Variants in AFAP1L2 observed in about 807,000 individuals in gnomAD.
The protein encoded by AFAP1L2 is actin filament associated protein 1 like 2.
AFAP1L2 carries 46 observed loss-of-function variants against 99.3 expected under a neutral mutation model. The ratio of observed to expected loss-of-function variants is 0.46; its 90% CI spans 0.37 to 0.59. The LOEUF (loss-of-function observed/expected upper bound fraction) is 0.59, where lower values mean the gene tolerates loss of function less well. AFAP1L2 is among the 20% of genes least tolerant of loss of function. AFAP1L2 has a pLI of 0.00. For missense variants in AFAP1L2, 959 were observed against 1,034.9 expected (o/e 0.93, Z 1.01); for synonymous variants, 397 against 419.1 (o/e 0.95, Z 0.64).
In AFAP1L2 at chr10:114,310,368, A is replaced by G; in HGVS notation, c.868T>C (p.Phe290Leu). 1 of 1,613,690 alleles carries G rather than the reference A, an allele frequency of 6.2e-7. No individual in the cohort carries two copies. ...GNQYTPDAQR[F>L]NCQKPDIAEK... ...CAGAGGCTTACTTTCTGGCAGTTAA[A>G]GCGCTGGGCATCCGGGGTGTACTGG... The change falls in exon 8 of 19, where the codon TTT becomes CTT. Residue 290 changes from phenylalanine to leucine, a missense_variant. Phe to Leu is a conservative substitution (Grantham distance 22). Coordinates refer to ENST00000304129, the MANE Select transcript of AFAP1L2 (RefSeq NM_001001936.3).
At chr10:114,373,656 C>CAACAA (rs932336383) in intron 1 of AFAP1L2, among the ~76,000 whole-genome samples, 4 of 151,972 alleles carry the variant, frequency 2.6e-5, no homozygotes, top group African/African-American at 9.7e-5. Flanking sequence ...AAAAAAACAA[C>CAACAA]AACAAAACAA....
At chr10:114,383,079 A>T (rs2055929076) in intron 1 of AFAP1L2, among the ~76,000 whole-genome samples, 1 of 152,222 alleles carries the variant, frequency 6.6e-6, no homozygotes, top group Non-Finnish European at 1.5e-5. Flanking sequence ...GCCATGAAAG[A>T]GGAAAAAAAA....
At chr10:114,384,478 C>T (rs1473032679) in intron 1 of AFAP1L2, among the ~76,000 whole-genome samples, 1 of 152,206 alleles carries the variant, frequency 6.6e-6, no homozygotes, top group African/African-American at 2.4e-5. Context: ...GAACACTTGC[C>T]AGCAAATGAG....
chr10:114,385,347 C>T (rs2056360254), intron 1 of AFAP1L2, among the ~76,000 whole-genome samples: 1 of 152,180 alleles, frequency 6.6e-6, no homozygotes, highest in African/African-American at 2.4e-5. Context: ...CTTCCCCATC[C>T]TAAAGGAATG....
intron 1 of AFAP1L2, among the ~76,000 whole-genome samples, chr10:114,379,068 C>A (rs866668251): frequency 6.6e-6 from 1 of 151,928 alleles, no homozygotes; most frequent in Admixed American, 6.6e-5. Context: ...AAAAAATTAG[C>A]CAGGTATGGT....
intron 5 of AFAP1L2, among the ~76,000 whole-genome samples, chr10:114,318,649 A>T (rs1330247743): frequency 6.6e-6 from 1 of 151,384 alleles, no homozygotes; most frequent in Non-Finnish European, 1.5e-5. Flanking sequence ...AGGCTGAGGC[A>T]GGAGAATCAT....
At chr10:114,300,771 A>T (rs1322410577) in intron 13 of AFAP1L2, 81 bp from the exon 14 acceptor site, 1 of 1,505,320 alleles carries the variant, frequency 6.6e-7, no homozygotes, top group Admixed American at 2.2e-5. Flanking sequence ...CCTGCCTCAC[A>T]GTTCTGGTGC....
chr10:114,343,679 G>A (rs544517387), intron 1 of AFAP1L2, among the ~76,000 whole-genome samples: 56 of 152,280 alleles, frequency 3.7e-4, no homozygotes, highest in African/African-American at 9.6e-4. Flanking sequence ...GAGAAGCATC[G>A]GCGGGATCAG....
chr10:114,329,875 C>A (rs2046982559), intron 4 of AFAP1L2, among the ~76,000 whole-genome samples: 1 of 152,186 alleles, frequency 6.6e-6, no homozygotes, highest in South Asian at 2.1e-4. Flanking sequence ...GGGACCGTGG[C>A]CAGTGGTTTT....
chr10:114,384,246 C>G lies in AFAP1L2; in HGVS notation c.16+20194G>C, dbSNP rs565290297. On this transcript the variant is annotated intron_variant, in intron 1 of 18. Coordinates refer to ENST00000304129, the MANE Select transcript of AFAP1L2 (RefSeq NM_001001936.3). ...TGGCAGCCACGAATCCCATCCTTGC[C>G]TCCGCCTCTGTCTTCAGCTGCACCC... is the stretch of plus-strand genomic sequence containing the variant. Among the ~76,000 whole-genome samples the G allele has an allele frequency of 2.4e-4, 36 of 152,284 alleles. No individual in the cohort carries two copies. In the South Asian group the frequency reaches 7.5e-3, roughly 32 times the overall value.
At chr10:114,293,408 C>G (rs745798743), downstream of AFAP1L2, among the ~76,000 whole-genome samples, 1 of 152,148 alleles carries the variant, frequency 6.6e-6, no homozygotes, top group Non-Finnish European at 1.5e-5. Context: ...ATTTAAACAG[C>G]AAACTGTGGG....
intron 1 of AFAP1L2, among the ~76,000 whole-genome samples, chr10:114,385,053 G>A (rs1334749524): frequency 1.3e-5 from 2 of 152,190 alleles, no homozygotes; most frequent in South Asian, 2.1e-4. Flanking sequence ...AGCAGCAGGG[G>A]CCAGAGGTGA....
chr10:114,295,453 A>G lies in AFAP1L2; in HGVS notation c.*589T>C. On this transcript the variant is annotated 3_prime_UTR_variant, in exon 19 of 19. Transcript: ENST00000304129. ...CTTGGTCCCAAATATTTTCCCCATT[A>G]TTGTTTCTCAAAACTCATGTCATAG... The G allele has an allele frequency of 1.0e-6, 1 of 985,594 alleles. No individual in the cohort carries two copies. The highest frequency in any genetic ancestry group is 1.2e-6 in the Non-Finnish European group (1 of 829,912). 61.1% of individuals were successfully genotyped at this position (985,594 alleles called of 1,614,324 possible).
intron 1 of AFAP1L2, chr10:114,362,953 G>A (rs2052653117): frequency 1.0e-6 from 1 of 985,256 alleles, no homozygotes; most frequent in Non-Finnish European, 1.2e-6. Flanking sequence ...CTCACGAAAA[G>A]CTGACGCACA....
chr10:114,291,105 G>A (rs906636382), downstream of AFAP1L2: 4 of 1,236,552 alleles, frequency 3.2e-6, no homozygotes, highest in Admixed American at 4.0e-5. Flanking sequence ...TTCTGCTGGG[G>A]GCGAGGTGGG....
chr10:114,331,212 G>A (rs2047183495), intron 4 of AFAP1L2, among the ~76,000 whole-genome samples: 1 of 152,116 alleles, frequency 6.6e-6, no homozygotes, highest in African/African-American at 2.4e-5. Context: ...AGTACAGTGT[G>A]ATATGTTTTA....
chr10:114,286,056 C>G, the AFAP1L2 span: 1 of 1,614,166 alleles, frequency 6.2e-7, no homozygotes, highest in Non-Finnish European at 8.5e-7. Flanking sequence ...TTTGTGCGGG[C>G]CGTGCTGAGC....
intron 1 of AFAP1L2, among the ~76,000 whole-genome samples, chr10:114,387,397 A>G (rs1465643504): frequency 6.6e-6 from 1 of 152,202 alleles, no homozygotes; most frequent in East Asian, 1.9e-4. Flanking sequence ...CTCCTTCATG[A>G]TTCAGCTTCC....
intron 1 of AFAP1L2, among the ~76,000 whole-genome samples, chr10:114,397,962 C>T (rs1055139420): frequency 3.3e-5 from 5 of 152,130 alleles, no homozygotes; most frequent in African/African-American, 1.2e-4. Context: ...GCATGGGTGC[C>T]TCTCCCCACT....
Sources: gnomAD v4.1 joint callset for allele counts (sites outside exome capture counted in the v4.1 genomes callset) on GRCh38, gnomAD v4.1.1 for gene constraint, MANE v1.5 for transcripts, NCBI Gene and HGNC (gene_info 2026-07-23, HGNC 2026-07-21) for gene names.